TCF7L2: variants seen among roughly 807,000 people sequenced by gnomAD.
TCF7L2 encodes the protein transcription factor 7 like 2.
TCF7L2 carries 23 observed loss-of-function variants against 77.9 expected under a neutral mutation model. That is an observed-to-expected ratio of 0.30 (90% CI 0.21 to 0.42). The LOEUF is 0.42. Among genes scored for constraint, TCF7L2 ranks in the 10% least tolerant of loss-of-function variants. TCF7L2 has a pLI of 1.00. For missense variants in TCF7L2, 654 were observed against 793.1 expected, an observed-to-expected ratio of 0.82 and a Z score of 2.11; for synonymous variants, 413 against 340.2, an observed-to-expected ratio of 1.21 and a Z score of -2.36.
intron 4 of TCF7L2, among the ~76,000 whole-genome samples, chr10:113,036,681 T>C (rs2051323905): frequency 6.6e-6 from 1 of 152,040 alleles, no homozygotes; most frequent in African/African-American, 2.4e-5. Context: ...TCTTTCTTTC[T>C]TTCTTTCTTT....
chr10:113,084,392 C>T (rs2059611771), intron 5 of TCF7L2, among the ~76,000 whole-genome samples: 1 of 152,244 alleles, frequency 6.6e-6, no homozygotes, highest in Non-Finnish European at 1.5e-5. Context: ...AGCCCGAAGG[C>T]AGTTACTCAG....
intron 13 of TCF7L2, among the ~76,000 whole-genome samples, chr10:113,163,838 C>T (rs2073594431): frequency 6.6e-6 from 1 of 152,118 alleles, no homozygotes; most frequent in Admixed American, 6.5e-5. Context: ...TCCCCTCCTT[C>T]CCTGCCTTCC....
intron 12 of TCF7L2, among the ~76,000 whole-genome samples, chr10:113,158,940 G>T (rs2072546151): frequency 7.0e-6 from 1 of 142,384 alleles, no homozygotes; most frequent in Non-Finnish European, 1.5e-5. Context: ...TCCCATAACA[G>T]TTGTTTAAGC....
At chr10:113,120,087 C>T (rs1391922565) in intron 5 of TCF7L2, among the ~76,000 whole-genome samples, 2 of 152,184 alleles carry the variant, frequency 1.3e-5, no homozygotes, top group African/African-American at 2.4e-5. Flanking sequence ...AGAATTTCAT[C>T]GACTGATGAG....
At chr10:113,052,828 C>T (rs2054694715) in intron 5 of TCF7L2, among the ~76,000 whole-genome samples, 1 of 152,332 alleles carries the variant, frequency 6.6e-6, no homozygotes, top group East Asian at 1.9e-4. Context: ...CTCTACAGTT[C>T]TCTTTTCCTC....
chr10:113,141,835 T>A (rs544684100), intron 6 of TCF7L2, among the ~76,000 whole-genome samples: 32 of 152,348 alleles, frequency 2.1e-4, no homozygotes, highest in African/African-American at 7.5e-4. Flanking sequence ...GATTCTGCAT[T>A]TTCTTTGCTA....
chr10:113,043,875 G>A (rs574698634), intron 5 of TCF7L2, among the ~76,000 whole-genome samples: 156 of 152,070 alleles, frequency 1.0e-3, no homozygotes, highest in African/African-American at 3.6e-3. Flanking sequence ...GTTAGGAGCC[G>A]CTCCCTGGAT....
chr10:113,039,045 A>G (rs1444760727), intron 4 of TCF7L2, among the ~76,000 whole-genome samples: 1 of 152,212 alleles, frequency 6.6e-6, no homozygotes, highest in Non-Finnish European at 1.5e-5. Context: ...GCTCGTCTCC[A>G]TGTGCTTCTA....
intron 12 of TCF7L2, 80 bp from the exon 14 acceptor site, chr10:113,159,840 C>A (rs868492266): frequency 1.3e-5 from 1 of 76,278 alleles, no homozygotes; most frequent in Admixed American, 2.0e-4. Context: ...TCCCCCCCCC[C>A]CCCCCTCTTT....
intron 5 of TCF7L2, among the ~76,000 whole-genome samples, chr10:113,055,126 C>G (rs377099209): frequency 1.3e-5 from 2 of 152,080 alleles, no homozygotes; most frequent in Non-Finnish European, 2.9e-5. Flanking sequence ...AGGATTCATA[C>G]CAAAGTAGAG....
At chr10:113,128,751 T>G (rs1201959638) in intron 5 of TCF7L2, among the ~76,000 whole-genome samples, 1 of 152,100 alleles carries the variant, frequency 6.6e-6, no homozygotes, top group Non-Finnish European at 1.5e-5. Context: ...GCAGCCACCC[T>G]CCCACACTCC....
rs1170666175 is a variant in TCF7L2 at position 113,151,040 on chromosome 10, G to A, written c.918G>A (p.Thr306=). 7 of 1,613,844 alleles carry A rather than the reference G, an allele frequency of 4.3e-6. No individual in the cohort carries two copies. The highest frequency in any genetic ancestry group is 4.5e-5 in the East Asian group (2 of 44,878). ...TCCCACCACATCATACGCTACACAC[G>A]ACGGGCATTCCGCATCCGGCCATAG... is the stretch of plus-strand genomic sequence containing the variant. Residue 306 remains threonine (T), a synonymous_variant, in exon 9 of 14, where the codon ACG becomes ACA. Coordinates refer to ENST00000627217, the MANE Select transcript of TCF7L2 (RefSeq NM_001146274.2). This position sits in a 1 kb window ranked among gnomAD's most constrained non-coding sequence, Gnocchi z 5.2.
intron 4 of TCF7L2, among the ~76,000 whole-genome samples, chr10:113,006,807 A>T (rs929540463): frequency 6.6e-6 from 1 of 152,216 alleles, no homozygotes; most frequent in Non-Finnish European, 1.5e-5. Flanking sequence ...AAAGCCCAGG[A>T]CAGGGCTGTG....
At position 113,144,100 on chromosome 10, in the gene TCF7L2, CTGTGTGTGTGTGTG is replaced by C. The variant is rs3830991; in HGVS notation, c.788+99_788+112del. ...TTTATTATTTATTCTGTGTGTGTGT[CTGTGTGTGTGTGTG>C]TGTGTGTGTGTGTGTGTGTGTGTAT... is the stretch of plus-strand genomic sequence containing the variant. On this transcript the variant is annotated intron_variant, in intron 7 of 13. Coordinates refer to ENST00000627217, the MANE Select transcript of TCF7L2 (RefSeq NM_001146274.2). 1,328 of 653,044 alleles carry C rather than the reference CTGTGTGTGTGTGTG, an allele frequency of 2.0e-3. 7 individuals are homozygous for C. In the East Asian group the frequency reaches 0.023, roughly 11 times the overall value. The allele number at this position is 653,044 out of a possible 1,614,324, so 40.5% of individuals were successfully genotyped here.
intron 5 of TCF7L2, among the ~76,000 whole-genome samples, chr10:113,070,264 A>ATATAT (rs1564851121): frequency 4.0e-5 from 2 of 49,574 alleles, no homozygotes; most frequent in Admixed American, 2.4e-4. Flanking sequence ...TAAAAAAAAA[A>ATATAT]AAATTTATAT....
At chr10:113,001,159 C>T (rs2044401400) in intron 4 of TCF7L2, among the ~76,000 whole-genome samples, 1 of 152,160 alleles carries the variant, frequency 6.6e-6, no homozygotes, top group Admixed American at 6.5e-5. Flanking sequence ...GAGTGACAGG[C>T]GGTTTGAGAA....
chr10:113,108,379 C>T (rs2062678405), intron 5 of TCF7L2, among the ~76,000 whole-genome samples: 1 of 151,960 alleles, frequency 6.6e-6, no homozygotes, highest in Admixed American at 6.6e-5. Flanking sequence ...GTGTCCGGTG[C>T]TCTCCTAACA....
chr10:113,082,034 C>T (rs985008898), intron 5 of TCF7L2, among the ~76,000 whole-genome samples: 4 of 151,982 alleles, frequency 2.6e-5, no homozygotes, highest in African/African-American at 7.2e-5. Flanking sequence ...CACAGGGTTT[C>T]ACCATGTTGG....
At chr10:113,150,110 T>C (rs2070417213) in intron 8 of TCF7L2, among the ~76,000 whole-genome samples, 1 of 152,188 alleles carries the variant, frequency 6.6e-6, no homozygotes, top group Non-Finnish European at 1.5e-5. Flanking sequence ...AAATGTGCCT[T>C]AGAGAACTGT....
Sources: gnomAD v4.1 joint callset for allele counts (sites outside exome capture counted in the v4.1 genomes callset) on GRCh38, gnomAD v4.1.1 for gene constraint, Gnocchi (gnomAD v3.1) non-coding constraint, MANE v1.5 for transcripts, NCBI Gene and HGNC (gene_info 2026-07-23, HGNC 2026-07-21) for gene names.